The following XKR9 variants were observed in gnomAD, a reference collection of about 807,000 sequenced individuals.
XKR9 encodes XK-related protein 9.
Under a neutral mutation model 32.0 loss-of-function variants are expected in XKR9, and 32 were observed. The ratio of observed to expected loss-of-function variants is 1.00; its 90% CI spans 0.76 to 1.34. XKR9 has a LOEUF of 1.34. Ranked by LOEUF, XKR9 falls within the 40% of genes most tolerant of loss-of-function variation. The pLI, the probability that XKR9 is intolerant of heterozygous loss-of-function variation, is 0.00. For synonymous variants in XKR9, 168 were observed against 143.4 expected, an observed-to-expected ratio of 1.17 and a Z score of -1.22; for missense variants, 546 against 429.7, an observed-to-expected ratio of 1.27 and a Z score of -2.39.
chr8:70,930,070 G>A, the XKR9 span, among the ~76,000 whole-genome samples: 2 of 152,156 alleles, frequency 1.3e-5, no homozygotes, highest in African/African-American at 4.8e-5. Context: ...AGTAAAATAT[G>A]AACTTGTAGT....
chr8:70,734,117 T>C lies in XKR9; in HGVS notation c.815T>C (p.Ile272Thr). ...LYRIVVGFILIFTFFNIKGQN... is the reference protein window; with the variant it reads ...LYRIVVGFILTFTFFNIKGQN... ...AGGATTGTTGTTGGATTCATTCTTA[T>C]CTTTACATTTTTTAATATTAAGGGA... Residue 272 changes from isoleucine to threonine, a missense_variant, in exon 5 of 5, where the codon ATC becomes ACC. Transcript: ENST00000408926. 3.1e-6 allele frequency: 5 copies of C among 1,612,660 alleles called. No homozygotes were observed. Among genetic ancestry groups the C allele is most frequent in the Admixed American group, 1.7e-5 (1 of 59,916 alleles).
At chr8:70,987,073 CA>C in the XKR9 span, among the ~76,000 whole-genome samples, 1 of 152,142 alleles carries the variant, frequency 6.6e-6, no homozygotes, top group Admixed American at 6.5e-5. Context: ...CCCCATGATT[CA>C]GTTATCTCCC....
chr8:70,963,657 A>T, the XKR9 span, among the ~76,000 whole-genome samples: 1 of 152,238 alleles, frequency 6.6e-6, no homozygotes, highest in South Asian at 2.1e-4. Flanking sequence ...AACAATAGCC[A>T]TTCTGACTGG....
chr8:71,062,849 T>G, the XKR9 span, among the ~76,000 whole-genome samples: 1 of 152,142 alleles, frequency 6.6e-6, no homozygotes, highest in Admixed American at 6.5e-5. Flanking sequence ...TAGGAAAATA[T>G]TACATATACA....
chr8:70,875,590 T>C, the XKR9 span, among the ~76,000 whole-genome samples: 1 of 152,190 alleles, frequency 6.6e-6, no homozygotes, highest in Admixed American at 6.5e-5. Flanking sequence ...TGTTCAAGGA[T>C]GGTTAATATC....
In XKR9 at chr8:70,733,820, G is replaced by C. The variant is rs904846997; in HGVS notation, c.518G>C (p.Cys173Ser). The C allele has an allele frequency of 6.3e-7, 1 of 1,586,006 alleles. No homozygotes were observed. The highest frequency in any genetic ancestry group is 8.5e-7 in the Non-Finnish European group (1 of 1,170,902). ...SQYAAIMVSC[C>S]AISWSTVDYQ... ...GATGCGGCCATCATGGTCTCTTGCT[G>C]TGCTATTTCTTGGTCAACTGTTGAT... Residue 173 changes from cysteine (C) to serine (S), a missense_variant, in exon 5 of 5, where the codon TGT becomes TCT. Coordinates refer to ENST00000408926, the MANE Select transcript of XKR9 (RefSeq NM_001011720.2).
chr8:70,713,336 G>A (rs1805983100), intron 4 of XKR9, among the ~76,000 whole-genome samples: 1 of 152,064 alleles, frequency 6.6e-6, no homozygotes, highest in African/African-American at 2.4e-5. Flanking sequence ...AGTCCCCAAA[G>A]GAGAGAAGAG....
chr8:71,017,262 A>G, the XKR9 span, among the ~76,000 whole-genome samples: 4 of 152,198 alleles, frequency 2.6e-5, no homozygotes, highest in Non-Finnish European at 1.5e-5. Context: ...TCATTTATAG[A>G]TGTGCACAGT....
chr8:70,851,887 A>G, the XKR9 span, among the ~76,000 whole-genome samples: 2 of 152,214 alleles, frequency 1.3e-5, no homozygotes, highest in Admixed American at 1.3e-4. Context: ...GGACTTCATG[A>G]CTAAAACACC....
the XKR9 span, among the ~76,000 whole-genome samples, chr8:71,050,445 T>C: frequency 5.3e-5 from 8 of 151,956 alleles, no homozygotes; most frequent in Admixed American, 4.6e-4. Context: ...GGTAATGATA[T>C]ACGGGGAAGA....
intron 4 of XKR9, among the ~76,000 whole-genome samples, chr8:70,712,550 C>A (rs756125266): frequency 2.0e-5 from 3 of 152,062 alleles, no homozygotes; most frequent in African/African-American, 7.2e-5. Context: ...AAAAGGTACC[C>A]TTCTCAGGGT....
chr8:70,961,790 T>C, the XKR9 span, among the ~76,000 whole-genome samples: 1 of 151,988 alleles, frequency 6.6e-6, no homozygotes, highest in African/African-American at 2.4e-5. Flanking sequence ...CACTACAGGA[T>C]TTTTTTTCCT....
At chr8:71,011,791 T>C in the XKR9 span, among the ~76,000 whole-genome samples, 1 of 152,210 alleles carries the variant, frequency 6.6e-6, no homozygotes, top group Non-Finnish European at 1.5e-5. Flanking sequence ...GGGAAACTGT[T>C]TGCCAAAAAT....
the XKR9 span, among the ~76,000 whole-genome samples, chr8:70,805,843 A>G: frequency 2.0e-5 from 3 of 152,178 alleles, no homozygotes; most frequent in African/African-American, 4.8e-5. Context: ...TGAGGAGTAT[A>G]GACAGCCCAG....
At chr8:70,755,675 C>G (rs541636987) in intron 2 of XKR9, among the ~76,000 whole-genome samples, 1 of 148,642 alleles carries the variant, frequency 6.7e-6, no homozygotes, top group Non-Finnish European at 1.5e-5. Context: ...AACCAAACAC[C>G]GCATGTTCTC....
the XKR9 span, among the ~76,000 whole-genome samples, chr8:70,908,094 T>G: frequency 1.3e-5 from 2 of 152,158 alleles, no homozygotes; most frequent in South Asian, 2.1e-4. Context: ...AAGGTTCATT[T>G]AAAAAAAGTT....
At chr8:70,726,701 G>T (rs1806482057) in intron 4 of XKR9, among the ~76,000 whole-genome samples, 1 of 152,196 alleles carries the variant, frequency 6.6e-6, no homozygotes. Context: ...CAAGAGCAAA[G>T]GTACCAAAGA....
the XKR9 span, among the ~76,000 whole-genome samples, chr8:70,955,255 G>T: frequency 1.3e-5 from 2 of 152,134 alleles, no homozygotes; most frequent in African/African-American, 4.8e-5. Flanking sequence ...CCAGGTAAAG[G>T]CTGCTAACAC....
At chr8:70,883,174 A>G in the XKR9 span, among the ~76,000 whole-genome samples, 1 of 150,646 alleles carries the variant, frequency 6.6e-6, no homozygotes. Context: ...TTATCACTCT[A>G]TATGTCCTTG....
Sources: gnomAD v4.1 joint callset for allele counts (sites outside exome capture counted in the v4.1 genomes callset) on GRCh38, gnomAD v4.1.1 for gene constraint, MANE v1.5 for transcripts, NCBI Gene and HGNC (gene_info 2026-07-23, HGNC 2026-07-21) for gene names.